The following RBFOX1 variants were observed in gnomAD, a reference collection of about 807,000 sequenced individuals.
RBFOX1 encodes the protein RNA binding protein fox-1 homolog 1.
Under a neutral mutation model 57.7 loss-of-function variants are expected in RBFOX1, and 8 were observed. The ratio of observed to expected loss-of-function variants is 0.14; its 90% CI spans 0.08 to 0.25. The LOEUF is 0.25. Ranked by LOEUF, RBFOX1 falls within the 10% of genes least tolerant of loss-of-function variation. RBFOX1 has a pLI of 1.00. For missense variants in RBFOX1, 611 were observed against 548.5 expected, an observed-to-expected ratio of 1.11 and a Z score of -1.14; for synonymous variants, 326 against 222.4, an observed-to-expected ratio of 1.47 and a Z score of -4.15.
chr16:7,269,395 C>G lies in RBFOX1; in HGVS notation c.27+217297C>G, dbSNP rs139935943. 4.9e-3 allele frequency among the ~76,000 whole-genome samples: 739 copies of G among 152,172 alleles called. 8 individuals carry two copies. The highest frequency in any genetic ancestry group is 0.017 in the African/African-American group (713 of 41,510). Reference sequence around the variant, plus strand: ...TAGCTGCTCATCACCCCCAAATAATCACTTTTTAAAAACATTTTGATATTT... The same window carrying G: ...TAGCTGCTCATCACCCCCAAATAATGACTTTTTAAAAACATTTTGATATTT... On this transcript the variant is annotated intron_variant, in intron 4 of 15. Coordinates refer to ENST00000550418, the MANE Select transcript of RBFOX1 (RefSeq NM_018723.4).
intron 3 of RBFOX1, among the ~76,000 whole-genome samples, chr16:6,832,448 T>C (rs1009996950): frequency 1.3e-5 from 2 of 152,192 alleles, no homozygotes; most frequent in African/African-American, 2.4e-5. Flanking sequence ...ATGAAAATGG[T>C]GCCAAAACCC....
intron 1 of RBFOX1, among the ~76,000 whole-genome samples, chr16:6,224,133 C>T (rs559814962): frequency 2.2e-3 from 334 of 151,982 alleles, no homozygotes; most frequent in African/African-American, 7.7e-3. Flanking sequence ...AGTCAGGTAG[C>T]GTGATGCCTC....
At chr16:6,370,531 G>T (rs1446178533) in intron 2 of RBFOX1, among the ~76,000 whole-genome samples, 3 of 152,132 alleles carry the variant, frequency 2.0e-5, no homozygotes, top group Non-Finnish European at 4.4e-5. Flanking sequence ...TCTGACACGT[G>T]CTACAACATG....
intron 3 of RBFOX1, among the ~76,000 whole-genome samples, chr16:6,976,808 T>C (rs1433418062): frequency 3.4e-5 from 5 of 145,656 alleles, no homozygotes; most frequent in Non-Finnish European, 7.5e-5. Context: ...ATATGAGATA[T>C]AAATGATCTA....
intron 1 of RBFOX1, among the ~76,000 whole-genome samples, chr16:5,453,781 A>G (rs1353147753): frequency 1.3e-5 from 2 of 152,184 alleles, no homozygotes. Context: ...CTAAAAATAT[A>G]ATTGATATCC....
intron 3 of RBFOX1, among the ~76,000 whole-genome samples, chr16:6,687,055 C>G (rs1461039958): frequency 1.3e-5 from 2 of 152,190 alleles, no homozygotes; most frequent in African/African-American, 2.4e-5. Context: ...GTGTTAAAAA[C>G]AGGAACAGCA....
intron 1 of RBFOX1, among the ~76,000 whole-genome samples, chr16:6,224,665 A>C (rs1598524617): frequency 6.6e-6 from 1 of 152,174 alleles, no homozygotes; most frequent in Non-Finnish European, 1.5e-5. Flanking sequence ...GAGATTATCA[A>C]TCTAATTGAA....
intron 1 of RBFOX1, chr16:6,093,069 AG>A (rs1195612529): frequency 3.3e-5 from 5 of 152,174 alleles, no homozygotes; most frequent in African/African-American, 1.2e-4. Flanking sequence ...CTAAAATAAA[AG>A]TTTAAAAATA....
intron 10 of RBFOX1, among the ~76,000 whole-genome samples, chr16:7,610,728 T>C (rs1217263583): frequency 6.6e-6 from 1 of 152,218 alleles, no homozygotes; most frequent in East Asian, 1.9e-4. Context: ...TTTGAAGACC[T>C]GCAAACACTG....
intron 4 of RBFOX1, among the ~76,000 whole-genome samples, chr16:5,869,284 T>C (rs1426775445): frequency 4.6e-5 from 7 of 152,224 alleles, no homozygotes; most frequent in Non-Finnish European, 8.8e-5. Context: ...GTGTTTCCTA[T>C]GATCTTCCAT....
chr16:5,722,322 T>C (rs189309345), intron 3 of RBFOX1, among the ~76,000 whole-genome samples: 2 of 152,342 alleles, frequency 1.3e-5, no homozygotes, highest in Admixed American at 6.5e-5. Flanking sequence ...TGTTCCAGTA[T>C]GGTTTGAAGG....
chr16:6,291,168 C>T (rs2077429604), intron 1 of RBFOX1, among the ~76,000 whole-genome samples: 1 of 152,146 alleles, frequency 6.6e-6, no homozygotes, highest in South Asian at 2.1e-4. Context: ...CCACTGCAAC[C>T]TGTTTTATCA....
chr16:7,219,887 A>G (rs2152841802), intron 4 of RBFOX1, among the ~76,000 whole-genome samples: 1 of 152,368 alleles, frequency 6.6e-6, no homozygotes, highest in Middle Eastern at 3.4e-3. Context: ...TTCTAACCAA[A>G]GAGAAATCTG....
chr16:5,939,847 T>C (rs1167570393), intron 4 of RBFOX1, among the ~76,000 whole-genome samples: 1 of 152,184 alleles, frequency 6.6e-6, no homozygotes, highest in East Asian at 1.9e-4. Flanking sequence ...TGGGGATCTA[T>C]TGAGGCACAG....
intron 3 of RBFOX1, among the ~76,000 whole-genome samples, chr16:6,948,923 G>C (rs1451081647): frequency 6.6e-6 from 1 of 152,090 alleles, no homozygotes; most frequent in Non-Finnish European, 1.5e-5. Flanking sequence ...AGGGAGAGTG[G>C]GTTATACCAT....
At chr16:5,898,083 G>C (rs1046259587) in intron 4 of RBFOX1, among the ~76,000 whole-genome samples, 71 of 152,088 alleles carry the variant, frequency 4.7e-4, no homozygotes, top group Non-Finnish European at 1.0e-4. Context: ...TTCAATCATG[G>C]TGGAAGGGGC....
intron 2 of RBFOX1, among the ~76,000 whole-genome samples, chr16:5,498,958 C>A (rs2043097440): frequency 6.6e-6 from 1 of 152,238 alleles, no homozygotes; most frequent in South Asian, 2.1e-4. Context: ...GTAAGTGGCT[C>A]CTGGGCAGGT....
intron 2 of RBFOX1, among the ~76,000 whole-genome samples, chr16:5,481,451 G>A (rs2069538775): frequency 6.6e-6 from 1 of 152,074 alleles, no homozygotes; most frequent in South Asian, 2.1e-4. Context: ...GTGTCAGCAG[G>A]GTTTATTATG....
rs930972827 is a variant in RBFOX1, at chr16:7,021,384, A to C, written c.-15-30673A>C. ...TTTATGTTCTTATATATTTTAAAAT[A>C]TTTTTATTTTTAAATTTGTTTTATG... On this transcript the variant is annotated intron_variant, in intron 3 of 15. Transcript: ENST00000550418. 4.8e-5 allele frequency among the ~76,000 whole-genome samples: 7 copies of C among 145,920 alleles called. 1 individual carries two copies. The South Asian group carries it at 8.5e-4, about 18-fold the overall frequency.
Sources: gnomAD v4.1 joint callset for allele counts (sites outside exome capture counted in the v4.1 genomes callset) on GRCh38, gnomAD v4.1.1 for gene constraint, MANE v1.5 for transcripts, NCBI Gene and HGNC (gene_info 2026-07-23, HGNC 2026-07-21) for gene names.